Variants in GRAMD1B observed in about 807,000 individuals in gnomAD.
GRAMD1B encodes protein Aster-B.
A neutral mutation model predicts 99.7 loss-of-function variants in GRAMD1B; 37 were observed. The observed-to-expected ratio is 0.37, with a 90% CI of 0.29 to 0.49. GRAMD1B has a LOEUF of 0.49. Among genes scored for constraint, GRAMD1B ranks in the 20% least tolerant of loss-of-function variants. GRAMD1B has a pLI of 0.98. For missense variants in GRAMD1B, 888 were observed against 1,009.2 expected (o/e 0.88, Z 1.63); for synonymous variants, 427 against 387.6 (o/e 1.10, Z -1.19).
chr11:123,537,977 G>T (rs1944133957), intron 2 of GRAMD1B, among the ~76,000 whole-genome samples: 1 of 152,118 alleles, frequency 6.6e-6, no homozygotes. Flanking sequence ...TTTTTATGCT[G>T]ATCACTAGTG....
intron 2 of GRAMD1B, among the ~76,000 whole-genome samples, chr11:123,550,102 G>A (rs1457394401): frequency 6.6e-6 from 1 of 152,126 alleles, no homozygotes; most frequent in Admixed American, 6.5e-5. Context: ...AGAGAAATAG[G>A]GGAAGTTCTC....
chr11:123,384,104 A>G (rs1466759033), intron 1 of GRAMD1B, among the ~76,000 whole-genome samples: 2 of 152,076 alleles, frequency 1.3e-5, no homozygotes, highest in Non-Finnish European at 2.9e-5. Context: ...TCCTGACCTC[A>G]AGTGATCCAC....
intron 2 of GRAMD1B, among the ~76,000 whole-genome samples, chr11:123,516,444 A>G (rs1428835843): frequency 2.6e-5 from 4 of 152,260 alleles, no homozygotes; most frequent in African/African-American, 7.2e-5. Context: ...GCTCCATCCA[A>G]GTAAACCTGT....
chr11:123,584,579 T>C (rs1949875638), intron 4 of GRAMD1B, among the ~76,000 whole-genome samples: 1 of 151,974 alleles, frequency 6.6e-6, no homozygotes, highest in Non-Finnish European at 1.5e-5. Context: ...ACCTAGGCTC[T>C]TAGACAAGGG....
intron 2 of GRAMD1B, among the ~76,000 whole-genome samples, chr11:123,541,931 A>G (rs1174696160): frequency 6.6e-6 from 1 of 152,344 alleles, no homozygotes; most frequent in Non-Finnish European, 1.5e-5. Context: ...ATAAATCTCA[A>G]TCATGGAATT....
intron 2 of GRAMD1B, among the ~76,000 whole-genome samples, chr11:123,564,037 C>T (rs1212563404): frequency 6.6e-6 from 1 of 152,218 alleles, no homozygotes; most frequent in Non-Finnish European, 1.5e-5. Context: ...AGCGGTCAGG[C>T]AGCCATCCTG....
At chr11:123,425,440 A>G (rs1370747202), upstream of GRAMD1B, among the ~76,000 whole-genome samples, 1 of 152,192 alleles carries the variant, frequency 6.6e-6, no homozygotes, top group Non-Finnish European at 1.5e-5. Flanking sequence ...GTGCCTTGGT[A>G]TCCTTGGTGT....
chr11:123,387,591 G>A (rs1947110701), intron 1 of GRAMD1B, among the ~76,000 whole-genome samples: 1 of 152,044 alleles, frequency 6.6e-6, no homozygotes, highest in South Asian at 2.1e-4. Flanking sequence ...CTGTGCTTAT[G>A]GATCCACAAA....
chr11:123,477,916 AGGCGCTT>A (rs1368128199), intron 1 of GRAMD1B, among the ~76,000 whole-genome samples: 2 of 151,632 alleles, frequency 1.3e-5, no homozygotes, highest in East Asian at 3.9e-4. Flanking sequence ...CTGGGATTAC[AGGCGCTT>A]GCCACCAAGA....
chr11:123,489,378 A>C (rs1938281800), intron 2 of GRAMD1B, among the ~76,000 whole-genome samples: 1 of 152,210 alleles, frequency 6.6e-6, no homozygotes, highest in South Asian at 2.1e-4. Context: ...CTCATTTGGC[A>C]GTGACCACTA....
chr11:123,444,791 C>A (rs1157028104), intron 1 of GRAMD1B, among the ~76,000 whole-genome samples: 1 of 152,156 alleles, frequency 6.6e-6, no homozygotes, highest in African/African-American at 2.4e-5. Context: ...CAGCAAAGCT[C>A]CATGTCCAAG....
chr11:123,433,968 G>T (rs1050771582), intron 1 of GRAMD1B, among the ~76,000 whole-genome samples: 1 of 152,014 alleles, frequency 6.6e-6, no homozygotes, highest in Non-Finnish European at 1.5e-5. Context: ...AGTGGCTCAC[G>T]CCTGTAATCC....
At chr11:123,589,357 T>C (rs1254575172) in intron 4 of GRAMD1B, among the ~76,000 whole-genome samples, 1 of 151,610 alleles carries the variant, frequency 6.6e-6, no homozygotes, top group East Asian at 1.9e-4. Context: ...TAGGAGTTTG[T>C]TAGGGGAGGG....
At chr11:123,418,059 CCTAA>C (rs1337504710) in intron 1 of GRAMD1B, among the ~76,000 whole-genome samples, 4 of 152,088 alleles carry the variant, frequency 2.6e-5, no homozygotes, top group African/African-American at 9.7e-5. Context: ...ACCACTATGC[CCTAA>C]CTATTTTATA....
chr11:123,388,717 A>C (rs182665801), intron 1 of GRAMD1B, among the ~76,000 whole-genome samples: 209 of 150,250 alleles, frequency 1.4e-3, no homozygotes, highest in South Asian at 5.3e-3. Flanking sequence ...AAACAAACAA[A>C]GAAGAGGTCA....
intron 1 of GRAMD1B, among the ~76,000 whole-genome samples, chr11:123,480,335 C>A (rs1487670686): frequency 6.6e-6 from 1 of 152,072 alleles, no homozygotes; most frequent in Non-Finnish European, 1.5e-5. Flanking sequence ...GACTAGGTGA[C>A]CCCTGGCCCC....
chr11:123,513,750 G>A (rs544559725), intron 2 of GRAMD1B, among the ~76,000 whole-genome samples: 2 of 151,290 alleles, frequency 1.3e-5, no homozygotes, highest in South Asian at 2.1e-4. Flanking sequence ...TCAACTTTTT[G>A]GGCTCAAGTG....
chr11:123,546,860 A>AAGACTTCC (rs1211123268), intron 2 of GRAMD1B, among the ~76,000 whole-genome samples: 2 of 151,826 alleles, frequency 1.3e-5, no homozygotes, highest in African/African-American at 4.8e-5. Context: ...CATATTTCAC[A>AAGACTTCC]AGACTTCCAG....
intron 1 of GRAMD1B, among the ~76,000 whole-genome samples, chr11:123,473,465 T>C (rs2134699641): frequency 6.6e-6 from 1 of 152,206 alleles, no homozygotes; most frequent in South Asian, 2.1e-4. Context: ...AGAGATGAAG[T>C]CTCACTGTAT....
Sources: allele counts gnomAD v4.1 joint callset (sites outside exome capture counted in the v4.1 genomes callset), GRCh38; gene constraint gnomAD v4.1.1; transcripts MANE v1.5; gene names NCBI Gene and HGNC (gene_info 2026-07-23, HGNC 2026-07-21).